The following ETFA variants were observed in gnomAD, a reference collection of about 807,000 sequenced individuals.
The protein encoded by ETFA is electron transfer flavoprotein subunit alpha, also known as electron transfer flavoprotein subunit alpha, mitochondrial.
Under a neutral mutation model 46.2 loss-of-function variants are expected in ETFA, and 22 were observed. That is an observed-to-expected ratio of 0.48 (90% confidence interval 0.34 to 0.68). ETFA has a LOEUF of 0.68. Ranked by LOEUF, ETFA falls within the 30% of genes least tolerant of loss-of-function variation. The pLI, the probability that ETFA is intolerant of heterozygous loss-of-function variation, is 0.01. For synonymous variants in ETFA, 131 were observed against 139.9 expected, an observed-to-expected ratio of 0.94 and a Z score of 0.45; for missense variants, 345 against 401.1, an observed-to-expected ratio of 0.86 and a Z score of 1.19.
At chr15:76,251,483 T>C (rs2039296946) in intron 9 of ETFA, among the ~76,000 whole-genome samples, 2 of 152,200 alleles carry the variant, frequency 1.3e-5, no homozygotes, top group African/African-American at 4.8e-5. Flanking sequence ...GAAATACTAA[T>C]AGACGACAAA....
intron 8 of ETFA, among the ~76,000 whole-genome samples, chr15:76,281,458 C>G (rs1000406973): frequency 3.3e-5 from 5 of 151,632 alleles, no homozygotes; most frequent in African/African-American, 1.2e-4. Context: ...CAGAGTCTCG[C>G]CCTGTTGCCC....
chr15:76,291,677 G>C lies in ETFA; in HGVS notation c.351+754C>G, dbSNP rs936009496. ...AGGCAGGAGAATGGCGTGAACCCCG[G>C]GGGGCGGAGCCTGCAGTGAGCCGAG... On this transcript the variant is annotated intron_variant, in intron 4 of 11. Transcript: ENST00000557943. 3.3e-5 allele frequency among the ~76,000 whole-genome samples: 5 copies of C among 151,976 alleles called. No homozygotes were observed. In the East Asian group the frequency reaches 7.8e-4, roughly 24 times the overall value.
At chr15:76,220,214 G>A (rs932312637) in intron 11 of ETFA, among the ~76,000 whole-genome samples, 2 of 152,122 alleles carry the variant, frequency 1.3e-5, no homozygotes, top group East Asian at 1.9e-4. Flanking sequence ...CTATAGGTGC[G>A]TGCCACCATG....
Position 76,225,859 on chromosome 15 carries a change from T to A in ETFA, c.953A>T (p.Asp318Val). Residue 318 changes from aspartate (D) to valine (V), a missense_variant, in exon 11 of 12, where the codon GAT becomes GTT. Coordinates refer to ENST00000557943, the MANE Select transcript of ETFA (RefSeq NM_000126.4). ...TCAAGGCCAGCTTACCTTAAATAAA[T>A]CTGCAACTATTCCATAATCTGCCAC... is the stretch of plus-strand genomic sequence containing the variant. ...FQVADYGIVADLFKVVPEMTE... is the reference protein window; with the variant it reads ...FQVADYGIVAVLFKVVPEMTE... 1 of 1,604,088 alleles carries A rather than the reference T, an allele frequency of 6.2e-7. No individual in the cohort carries two copies. Among genetic ancestry groups the A allele is most frequent in the East Asian group, 2.2e-5 (1 of 44,740 alleles).
chr15:76,228,752 T>G, intron 10 of ETFA: 1 of 49,158 alleles, frequency 2.0e-5, no homozygotes, highest in South Asian at 9.7e-4. Context: ...TTATTATTAC[T>G]TTTTTTTTTT....
intron 9 of ETFA, among the ~76,000 whole-genome samples, chr15:76,243,220 G>A (rs184868625): frequency 2.0e-5 from 3 of 151,368 alleles, no homozygotes; most frequent in Admixed American, 6.6e-5. Flanking sequence ...GCTTGAACCC[G>A]AGATGGCACC....
chr15:76,249,031 AG>A (rs2039269897), intron 9 of ETFA, among the ~76,000 whole-genome samples: 1 of 152,198 alleles, frequency 6.6e-6, no homozygotes. Flanking sequence ...ATCACAGAAA[AG>A]CAGATAAAAA....
chr15:76,217,439 C>T (rs1359401279), intron 11 of ETFA: 2 of 316,238 alleles, frequency 6.3e-6, no homozygotes, highest in Non-Finnish European at 1.3e-5. Context: ...AAATGTGCTA[C>T]ATGCTGAACA....
At chr15:76,227,873 T>C (rs1438040598) in intron 10 of ETFA, 4 of 455,968 alleles carry the variant, frequency 8.8e-6, no homozygotes, top group Non-Finnish European at 1.8e-5. Context: ...ATGTCTAAGA[T>C]TGGAACATGG....
chr15:76,300,378 A>G (rs1210468022), intron 1 of ETFA, among the ~76,000 whole-genome samples: 1 of 152,112 alleles, frequency 6.6e-6, no homozygotes, highest in East Asian at 1.9e-4. Context: ...ATCTGCCCCA[A>G]CCATGACCAG....
Position 76,287,929 on chromosome 15 carries a change from A to G in ETFA, c.368T>C (p.Val123Ala). 13 of 1,613,894 alleles carry G rather than the reference A, an allele frequency of 8.1e-6. No homozygotes were observed. Among genetic ancestry groups the G allele is most frequent in the Non-Finnish European group, 1.1e-5 (13 of 1,179,786 alleles). Residue 123 changes from valine (V) to alanine (A), a missense_variant, in exon 5 of 12, where the codon GTA becomes GCA. Val to Ala is a moderately conservative substitution (Grantham distance 64). Coordinates refer to ENST00000557943, the MANE Select transcript of ETFA (RefSeq NM_000126.4). ...CGGGGCAACCTCAAGTTTGGCTGCT[A>G]CTCTGGGCAAAAGGTTCTAAAAGCA... ...SAFGKNLLPRVAAKLEVAPIS... is the reference protein window; with the variant it reads ...SAFGKNLLPRAAAKLEVAPIS...
intron 9 of ETFA, among the ~76,000 whole-genome samples, chr15:76,245,657 G>A (rs752834003): frequency 6.6e-6 from 1 of 152,190 alleles, no homozygotes; most frequent in Non-Finnish European, 1.5e-5. Flanking sequence ...CAGTTGGTCT[G>A]TTAGTAAAAT....
intron 9 of ETFA, among the ~76,000 whole-genome samples, chr15:76,250,883 G>C (rs1166901073): frequency 1.3e-5 from 2 of 151,896 alleles, no homozygotes; most frequent in African/African-American, 4.8e-5. Context: ...GTGTATTAAA[G>C]GAAGAGTACA....
intron 9 of ETFA, among the ~76,000 whole-genome samples, chr15:76,266,758 G>A (rs1467298667): frequency 1.3e-5 from 2 of 152,174 alleles, no homozygotes; most frequent in East Asian, 1.9e-4. Context: ...AAAAAAATTC[G>A]TTGGGTGTGG....
At chr15:76,231,467 T>C in intron 9 of ETFA, 69 bp from the exon 10 acceptor site, 3 of 1,009,630 alleles carry the variant, frequency 3.0e-6, no homozygotes, top group South Asian at 3.3e-5. Flanking sequence ...GTGTTTGCTG[T>C]TAGCAATTTA....
intron 1 of ETFA, among the ~76,000 whole-genome samples, chr15:76,303,261 T>C (rs1324413223): frequency 2.0e-5 from 3 of 151,982 alleles, no homozygotes; most frequent in African/African-American, 4.8e-5. Flanking sequence ...TGAGCCAAGA[T>C]TGCACCCTTG....
At chr15:76,224,629 G>A (rs1012914627) in intron 11 of ETFA, among the ~76,000 whole-genome samples, 18 of 152,208 alleles carry the variant, frequency 1.2e-4, no homozygotes, top group African/African-American at 4.1e-4. Context: ...CTCTTGCTGA[G>A]GGAACCACCT....
chr15:76,298,506 T>G (rs796440844), intron 1 of ETFA, among the ~76,000 whole-genome samples: 44 of 152,326 alleles, frequency 2.9e-4, no homozygotes, highest in African/African-American at 9.4e-4. Flanking sequence ...GATGGAGCAC[T>G]GTGCTAAGCA....
chr15:76,295,933 A>ATTTTTTTTTTTTTTTTTTTTTTTTT (rs1555459250), intron 1 of ETFA, among the ~76,000 whole-genome samples, 196 bp from the exon 2 acceptor site: 3 of 58,510 alleles, frequency 5.1e-5, no homozygotes, highest in African/African-American at 1.0e-4. Context: ...TACCACTAAT[A>ATTTTTTTTTTTTTTTTTTTTTTTTT]TTCTTTTTTT....
Sources: allele counts gnomAD v4.1 joint callset (sites outside exome capture counted in the v4.1 genomes callset), GRCh38; gene constraint gnomAD v4.1.1; transcripts MANE v1.5; gene names NCBI Gene and HGNC (gene_info 2026-07-23, HGNC 2026-07-21).